The following NFKB1 variants were observed in gnomAD, a reference collection of about 807,000 sequenced individuals.
The protein encoded by NFKB1 is nuclear factor NF-kappa-B p105 subunit.
In NFKB1, 9 loss-of-function variants were observed where a neutral mutation model predicts 105.1. The ratio of observed to expected loss-of-function variants is 0.09; its 90% CI spans 0.05 to 0.15. The LOEUF is 0.15. Among genes scored for constraint, NFKB1 ranks in the 10% least tolerant of loss-of-function variants. The pLI, the probability that NFKB1 is intolerant of heterozygous loss-of-function variation, is 1.00. For synonymous variants in NFKB1, 440 were observed against 442.2 expected (o/e 1.00, Z 0.06); for missense variants, 830 against 1,203.7 (o/e 0.69, Z 4.59).
intron 5 of NFKB1, among the ~76,000 whole-genome samples, chr4:102,548,427 G>A (rs1722305889): frequency 6.6e-6 from 1 of 152,114 alleles, no homozygotes; most frequent in Admixed American, 6.6e-5. Flanking sequence ...GCCACATAGA[G>A]GAACCGGGAG....
At chr4:102,551,370 G>A (rs553384931) in intron 5 of NFKB1, among the ~76,000 whole-genome samples, 82 of 139,508 alleles carry the variant, frequency 5.9e-4, no homozygotes, top group Non-Finnish European at 1.2e-3. Flanking sequence ...GTGTGTGTGC[G>A]CGCGCGCATG....
intron 5 of NFKB1, among the ~76,000 whole-genome samples, chr4:102,553,955 T>C (rs1722801356): frequency 1.3e-5 from 2 of 152,216 alleles, no homozygotes; most frequent in African/African-American, 4.8e-5. Context: ...ATTTAAAATG[T>C]TCACAATTTT....
chr4:102,582,215 A>G (rs1725368684), intron 9 of NFKB1, among the ~76,000 whole-genome samples: 1 of 152,194 alleles, frequency 6.6e-6, no homozygotes, highest in Non-Finnish European at 1.5e-5. Context: ...CTAAGAGACT[A>G]TTATAGTGAG....
intron 14 of NFKB1, 30 bp from the exon 15 acceptor site, chr4:102,597,490 T>C (rs376635687): frequency 9.5e-6 from 15 of 1,582,934 alleles, no homozygotes; most frequent in African/African-American, 1.3e-5. Flanking sequence ...GTAGGAACAC[T>C]CAACTATGAT....
intron 16 of NFKB1, among the ~76,000 whole-genome samples, chr4:102,605,438 T>A (rs766044883): frequency 5.3e-5 from 8 of 152,202 alleles, no homozygotes; most frequent in Non-Finnish European, 1.0e-4. Flanking sequence ...AACTGCTCAA[T>A]GAAAAGGGAA....
chr4:102,586,688 C>G (rs1021621870), intron 11 of NFKB1, among the ~76,000 whole-genome samples: 4 of 152,130 alleles, frequency 2.6e-5, no homozygotes, highest in Admixed American at 1.3e-4. Flanking sequence ...ATAGAGTTCA[C>G]CAGACTGCAG....
At chr4:102,509,567 T>C (rs1435459999) in intron 1 of NFKB1, among the ~76,000 whole-genome samples, 1 of 152,238 alleles carries the variant, frequency 6.6e-6, no homozygotes, top group Non-Finnish European at 1.5e-5. Context: ...GCTGAGGCAC[T>C]TAAGTATCTT....
chr4:102,512,378 T>C (rs913542519), intron 1 of NFKB1, among the ~76,000 whole-genome samples: 1 of 152,166 alleles, frequency 6.6e-6, no homozygotes. Context: ...AGATGTGGTG[T>C]CGCTCTGTCA....
chr4:102,536,610 A>C (rs4647996), intron 4 of NFKB1, among the ~76,000 whole-genome samples: 15 of 152,144 alleles, frequency 9.9e-5, no homozygotes, highest in African/African-American at 2.9e-4. Context: ...TAAGTAGTGC[A>C]TACGTTTTAC....
chr4:102,522,214 A>G (rs1366549686), intron 1 of NFKB1, among the ~76,000 whole-genome samples: 1 of 152,206 alleles, frequency 6.6e-6, no homozygotes, highest in African/African-American at 2.4e-5. Flanking sequence ...AATTAATGCA[A>G]ATATTACTTA....
At chr4:102,535,384 C>T (rs1446747691) in intron 4 of NFKB1, among the ~76,000 whole-genome samples, 5 of 152,008 alleles carry the variant, frequency 3.3e-5, no homozygotes, top group Non-Finnish European at 7.4e-5. Context: ...TATGATTTAC[C>T]TGAAGGGTTA....
chr4:102,613,931 A>G (rs568387460), intron 23 of NFKB1, among the ~76,000 whole-genome samples: 1 of 152,330 alleles, frequency 6.6e-6, no homozygotes. Context: ...CTCCTCTCTC[A>G]AGCTTATGAC....
In NFKB1 at chr4:102,530,636, CAG is replaced by C. The variant is rs559914505; in HGVS notation, c.118+725_118+726del. On this transcript the variant is annotated intron_variant, in intron 3 of 23. Coordinates refer to ENST00000226574, the MANE Select transcript of NFKB1 (RefSeq NM_003998.4). The stretch of plus-strand genomic sequence containing the variant: ...TGAATTATGGAAGTTATGTGTAAAA[CAG>C]AGTTTGGTAATCGCTGAAGGAGGCA... Among the ~76,000 whole-genome samples the C allele has an allele frequency of 1.2e-3, 188 of 152,274 alleles. 3 individuals carry two copies. The highest frequency in any genetic ancestry group is 0.011 in the Admixed American group (173 of 15,280).
Position 102,612,105 on chromosome 4 carries a change from C to T in NFKB1, c.2414C>T (p.Ala805Val). Residue 805 changes from alanine to valine, a missense_variant, in exon 21 of 24, where the codon GCA (alanine) becomes GTA (valine). Transcript: ENST00000226574. ...GAGTTTACATCTGATGATTTACTAG[C>T]ACAAGGTGGGTTGTGATAAAACCAG... ...EPEFTSDDLL[A>V]QGDMKQLAED... 1 of 1,613,502 alleles carries T rather than the reference C, an allele frequency of 6.2e-7. No individual in the cohort carries two copies. Among genetic ancestry groups the T allele is most frequent in the Non-Finnish European group, 8.5e-7 (1 of 1,179,500 alleles).
intron 9 of NFKB1, 24 bp downstream of exon 9, chr4:102,580,663 A>G (rs978450624): frequency 5.1e-6 from 8 of 1,576,922 alleles, no homozygotes; most frequent in Middle Eastern, 3.4e-4. Flanking sequence ...GTGATCTCTG[A>G]TCTCAAGAGG....
At chr4:102,514,792 C>A (rs992556133) in intron 1 of NFKB1, among the ~76,000 whole-genome samples, 10 of 152,118 alleles carry the variant, frequency 6.6e-5, no homozygotes, top group Non-Finnish European at 1.3e-4. Flanking sequence ...ACAATAAGAT[C>A]ATTGTTTTTC....
In NFKB1 at chr4:102,591,277, C is replaced by G. The variant is rs78305068; in HGVS notation, c.1067-2148C>G. On this transcript the variant is annotated intron_variant, in intron 11 of 23. Coordinates refer to ENST00000226574, the MANE Select transcript of NFKB1 (RefSeq NM_003998.4). The stretch of plus-strand genomic sequence containing the variant: ...TAACTAGAGAGAAGATGTAGAAATG[C>G]CTGGCTTCAAAGCTTTTAAAAACAG... Among the ~76,000 whole-genome samples, 858 of 152,058 alleles carry G rather than the reference C, an allele frequency of 5.6e-3. 5 individuals carry two copies. The highest frequency in any genetic ancestry group is 9.7e-3 in the Non-Finnish European group (658 of 67,982).
At chr4:102,605,319 T>C (rs1727615330) in intron 16 of NFKB1, among the ~76,000 whole-genome samples, 1 of 152,218 alleles carries the variant, frequency 6.6e-6, no homozygotes, top group Non-Finnish European at 1.5e-5. Flanking sequence ...AAATAATCAC[T>C]GTAGTTGAGA....
intron 5 of NFKB1, among the ~76,000 whole-genome samples, chr4:102,547,859 T>A (rs954100701): frequency 6.6e-6 from 1 of 152,148 alleles, no homozygotes; most frequent in African/African-American, 2.4e-5. Flanking sequence ...GAGACTGAGA[T>A]CAGCTGTGTC....
Sources: allele counts gnomAD v4.1 joint callset (sites outside exome capture counted in the v4.1 genomes callset), GRCh38; gene constraint gnomAD v4.1.1; transcripts MANE v1.5; gene names NCBI Gene and HGNC (gene_info 2026-07-23, HGNC 2026-07-21).